COL14A1: variants seen among roughly 807,000 people sequenced by gnomAD.
The protein encoded by COL14A1 is collagen alpha-1(XIV) chain.
A neutral mutation model predicts 230.3 loss-of-function variants in COL14A1; 136 were observed. That is an observed-to-expected ratio of 0.59 (90% CI 0.51 to 0.68). The LOEUF (loss-of-function observed/expected upper bound fraction) is 0.68. Ranked by LOEUF, COL14A1 falls within the 30% of genes least tolerant of loss-of-function variation. The pLI is 0.00. For missense variants in COL14A1, 1,976 were observed against 2,215.8 expected, an observed-to-expected ratio of 0.89 and a Z score of 2.17; for synonymous variants, 792 against 784.1, an observed-to-expected ratio of 1.01 and a Z score of -0.17.
chr8:120,334,479 T>A (rs961947799), intron 42 of COL14A1, among the ~76,000 whole-genome samples: 7 of 152,102 alleles, frequency 4.6e-5, no homozygotes, highest in African/African-American at 1.4e-4. Flanking sequence ...CACACATCTT[T>A]CTTTTAATTC....
At chr8:120,369,907 G>A (rs553209903) in intron 47 of COL14A1, among the ~76,000 whole-genome samples, 7 of 152,226 alleles carry the variant, frequency 4.6e-5, no homozygotes, top group South Asian at 2.1e-4. Context: ...AACTTCTCCC[G>A]TAATTAAGAG....
intron 26 of COL14A1, among the ~76,000 whole-genome samples, chr8:120,274,549 CAATGATATGAT>C (rs1819779861): frequency 2.8e-4 from 43 of 151,612 alleles, no homozygotes; most frequent in Admixed American, 2.8e-3. Flanking sequence ...TACTGTGTGC[CAATGATATGAT>C]CATATACCTA....
intron 5 of COL14A1, 54 bp downstream of exon 5, chr8:120,168,301 C>A: frequency 1.6e-6 from 2 of 1,270,528 alleles, no homozygotes; most frequent in Non-Finnish European, 2.3e-6. Flanking sequence ...TTTAATTACA[C>A]AGGCAATACT....
At chr8:120,313,324 C>T (rs1821105012) in intron 37 of COL14A1, among the ~76,000 whole-genome samples, 1 of 152,294 alleles carries the variant, frequency 6.6e-6, no homozygotes, top group Middle Eastern at 3.4e-3. Context: ...CAAGCCACTG[C>T]ACTCCAGCCT....
chr8:120,358,925 T>C (rs1312106860), intron 45 of COL14A1, among the ~76,000 whole-genome samples: 1 of 152,176 alleles, frequency 6.6e-6, no homozygotes, highest in East Asian at 1.9e-4. Flanking sequence ...TATTCATTAA[T>C]CCTTTCCATT....
Position 120,279,967 on chromosome 8 carries a change from G to A in COL14A1, c.3514G>A (p.Ala1172Thr). Residue 1172 changes from alanine (A) to threonine (T), a missense_variant, in exon 29 of 48, where the codon GCA becomes ACA. Physicochemically the swap from Ala to Thr is moderately conservative, Grantham distance 58 (BLOSUM62 0). This residue lies in a region of COL14A1 where 1,791 missense variants were observed against 2,019.5 expected (regional missense o/e 0.89). Coordinates refer to ENST00000297848, the MANE Select transcript of COL14A1 (RefSeq NM_021110.4). ...YSIFAIGVAD[A>T]DYSELVSIGS... is the part of the protein sequence containing the mutation. ...CATTTTTGCAATTGGTGTGGCCGAT[G>A]CAGATTACTCGGAGTTGGTTAGCAT... 9 of 1,613,762 alleles carry A rather than the reference G, an allele frequency of 5.6e-6. No homozygotes were observed. Among genetic ancestry groups the A allele is most frequent in the Non-Finnish European group, 7.6e-6 (9 of 1,179,828 alleles).
At chr8:120,315,393 A>AT in intron 38 of COL14A1, 140 bp from the exon 39 acceptor site, 5 of 299,428 alleles carry the variant, frequency 1.7e-5, no homozygotes, top group Middle Eastern at 9.4e-4. Context: ...AAAAAAAAAA[A>AT]GTGTATATAT....
Position 120,300,773 on chromosome 8 carries a change from CT to C in COL14A1, c.4357del (p.Cys1453ValfsTer119). ...GCCCAGACCTTCCCCATTCCTGCTCCTGTTCTGAAACCAATGAAGTGGCTCT... is the reference window on the plus strand; with the variant it reads ...GCCCAGACCTTCCCCATTCCTGCTCCGTTCTGAAACCAATGAAGTGGCTCT... ...SCPDLPHSCSCSETNEVALGP... is the reference protein window; with the variant it reads ...SCPDLPHSCSXSETNEVALGP... On this transcript the variant is annotated frameshift_variant, in exon 36 of 48. Transcript: ENST00000297848. LOFTEE classifies it high-confidence loss of function. 6.2e-7 allele frequency: 1 copy of C among 1,613,722 alleles called. No individual in the cohort carries two copies. The highest frequency in any genetic ancestry group is 8.5e-7 in the Non-Finnish European group (1 of 1,179,700).
At chr8:120,237,031 C>T (rs534905558) in intron 19 of COL14A1, among the ~76,000 whole-genome samples, 11 of 152,326 alleles carry the variant, frequency 7.2e-5, no homozygotes, top group Admixed American at 1.3e-4. Flanking sequence ...CCCAACCTTT[C>T]GCTCTGGCTG....
intron 18 of COL14A1, among the ~76,000 whole-genome samples, chr8:120,229,739 G>C (rs1034166469): frequency 2.0e-5 from 3 of 152,284 alleles, no homozygotes; most frequent in African/African-American, 7.2e-5. Context: ...CAGTGTAAAA[G>C]TGTTCCTATT....
intron 1 of COL14A1, among the ~76,000 whole-genome samples, chr8:120,125,589 A>T (rs1814301886): frequency 6.6e-6 from 1 of 151,982 alleles, no homozygotes; most frequent in Non-Finnish European, 1.5e-5. Flanking sequence ...GGATAGTGGA[A>T]ATACCATGTG....
intron 4 of COL14A1, among the ~76,000 whole-genome samples, chr8:120,163,764 A>C (rs1165774601): frequency 6.6e-6 from 1 of 152,160 alleles, no homozygotes; most frequent in African/African-American, 2.4e-5. Flanking sequence ...ACTCCATCTG[A>C]AAAACAAAAA....
chr8:120,225,713 A>G (rs1331492026), intron 15 of COL14A1, among the ~76,000 whole-genome samples: 2 of 152,166 alleles, frequency 1.3e-5, no homozygotes, highest in Non-Finnish European at 2.9e-5. Context: ...AATATAAGAC[A>G]TGAATACATT....
chr8:120,153,508 G>A (rs149188420), intron 2 of COL14A1, among the ~76,000 whole-genome samples: 3 of 152,088 alleles, frequency 2.0e-5, no homozygotes, highest in Non-Finnish European at 4.4e-5. Flanking sequence ...GAATTTTTTT[G>A]TTTTTAGATT....
rs1403285519 is a variant in COL14A1, at chr8:120,373,537, T to C, written c.*2306T>C. ...TAATTTATAGTTTGTAAGTTTATAC[T>C]GTTTTCTAAAAGTAATAAATCATTT... On this transcript the variant is annotated 3_prime_UTR_variant, in exon 48 of 48. Transcript: ENST00000297848. Among the ~76,000 whole-genome samples, 1 of 152,236 alleles carries C rather than the reference T, an allele frequency of 6.6e-6. No homozygotes were observed.
At chr8:120,132,022 A>G (rs754013452) in intron 1 of COL14A1, among the ~76,000 whole-genome samples, 6 of 150,616 alleles carry the variant, frequency 4.0e-5, no homozygotes, top group South Asian at 2.1e-4. Flanking sequence ...ATAATTTTTT[A>G]TATTTTTAGT....
intron 1 of COL14A1, among the ~76,000 whole-genome samples, chr8:120,130,030 G>C (rs1186074044): frequency 6.6e-6 from 1 of 152,186 alleles, no homozygotes; most frequent in African/African-American, 2.4e-5. Flanking sequence ...TCAGAGGCCT[G>C]GTTGGTGAAG....
intron 46 of COL14A1, among the ~76,000 whole-genome samples, chr8:120,369,024 G>T (rs1823499807): frequency 6.6e-6 from 1 of 152,266 alleles, no homozygotes; most frequent in South Asian, 2.1e-4. Context: ...GCTCCAAAAA[G>T]AAAATAAGGT....
chr8:120,255,218 T>C (rs3829044), intron 22 of COL14A1, 22 bp from the exon 23 acceptor site: 18,165 of 1,569,296 alleles, frequency 0.012, 258 homozygotes, highest in Middle Eastern at 0.036. Context: ...TGTGATACAG[T>C]TATGTTTCTA....
Sources: allele counts gnomAD v4.1 joint callset (sites outside exome capture counted in the v4.1 genomes callset), GRCh38; gene constraint gnomAD v4.1.1; regional missense constraint gnomAD v4.1.1; transcripts MANE v1.5; gene names NCBI Gene and HGNC (gene_info 2026-07-23, HGNC 2026-07-21).